Variants in TET3 observed in about 807,000 individuals in gnomAD.
TET3 encodes the protein tet methylcytosine dioxygenase 3.
Under a neutral mutation model 141.4 loss-of-function variants are expected in TET3, and 19 were observed. The ratio of observed to expected loss-of-function variants is 0.13; its 90% CI spans 0.09 to 0.20. The LOEUF is 0.20. Among genes scored for constraint, TET3 ranks in the 10% least tolerant of loss-of-function variants. The pLI is 1.00. For synonymous variants in TET3, 1,043 were observed against 980.9 expected (o/e 1.06, Z -1.18); for missense variants, 1,874 against 2,356.9 (o/e 0.80, Z 4.24).
intron 10 of TET3, among the ~76,000 whole-genome samples, chr2:74,096,768 CAAAAA>C (rs11363244): frequency 7.1e-6 from 1 of 141,082 alleles, no homozygotes; most frequent in Admixed American, 7.0e-5. Context: ...AACTCTGTCT[CAAAAA>C]AAAAAAAGAA....
At chr2:74,065,569 T>TTTA (rs1688837035) in intron 4 of TET3, among the ~76,000 whole-genome samples, 1 of 144,524 alleles carries the variant, frequency 6.9e-6, no homozygotes, top group Non-Finnish European at 1.5e-5. Flanking sequence ...TTTTTTTTTT[T>TTTA]GGCTTGGTCA....
rs1221294004 is a variant in TET3 at position 74,046,049 on chromosome 2, G to A, written c.361-229G>A. 6.6e-6 allele frequency among the ~76,000 whole-genome samples: 1 copy of A among 152,192 alleles called. No homozygotes were observed. Among genetic ancestry groups the A allele is most frequent in the Non-Finnish European group, 1.5e-5 (1 of 68,036 alleles). On this transcript the variant is annotated intron_variant, in intron 3 of 11. Transcript: ENST00000409262. This position sits in a 1 kb window ranked among gnomAD's most constrained non-coding sequence, Gnocchi z 4.3. ...AGCAACATTAAGAATGTCTCATTAG[G>A]ATCTTCTCTTTAAAAATATCTTAAA...
At chr2:74,110,534 C>T (rs775428347), downstream of TET3, among the ~76,000 whole-genome samples, 8 of 152,070 alleles carry the variant, frequency 5.3e-5, no homozygotes, top group African/African-American at 9.7e-5. Flanking sequence ...AAAACATGTT[C>T]GACACACATA....
At chr2:74,041,010 G>A (rs1687308675) in intron 3 of TET3, among the ~76,000 whole-genome samples, 1 of 152,132 alleles carries the variant, frequency 6.6e-6, no homozygotes, top group Non-Finnish European at 1.5e-5. Context: ...GGCTTCAAAA[G>A]GGCTAAACTG....
At chr2:74,091,983 A>G (rs1357129216) in intron 8 of TET3, among the ~76,000 whole-genome samples, 1 of 152,252 alleles carries the variant, frequency 6.6e-6, no homozygotes, top group Non-Finnish European at 1.5e-5. Context: ...GACTAGTGCA[A>G]CCAAGGGACT....
intron 3 of TET3, among the ~76,000 whole-genome samples, chr2:74,044,738 A>G (rs1385695001): frequency 6.6e-6 from 1 of 152,230 alleles, no homozygotes; most frequent in South Asian, 2.1e-4. Context: ...CAAAGTCAGA[A>G]TCTTAAGTGG....
intron 3 of TET3, among the ~76,000 whole-genome samples, chr2:74,016,746 A>G (rs1437759742): frequency 6.6e-6 from 1 of 151,562 alleles, no homozygotes; most frequent in Non-Finnish European, 1.5e-5. Flanking sequence ...AAACAAAAAA[A>G]TAAAACCCAC....
chr2:74,117,181 A>G, the TET3 span, among the ~76,000 whole-genome samples: 1 of 152,114 alleles, frequency 6.6e-6, no homozygotes, highest in Non-Finnish European at 1.5e-5. Flanking sequence ...GGTTCAAGCA[A>G]TTCTACTGCC....
chr2:73,986,300 T>G lies in TET3; in HGVS notation c.-104T>G. 1 of 1,081,228 alleles carries G rather than the reference T, an allele frequency of 9.2e-7. No individual in the cohort carries two copies. The highest frequency in any genetic ancestry group is 1.2e-6 in the Non-Finnish European group (1 of 851,340). The allele number at this position is 1,081,228 out of a possible 1,614,324, so 67.0% of individuals were successfully genotyped here. On this transcript the variant is annotated 5_prime_UTR_variant, in exon 2 of 12. Transcript: ENST00000409262. ...GCCACTTGCCTTCACCCTTGTAGAC[T>G]CTTGACTGTTCTAGGCGAGAAGGAC...
At chr2:74,083,894 G>A (rs1049982784) in intron 6 of TET3, among the ~76,000 whole-genome samples, 8 of 152,192 alleles carry the variant, frequency 5.3e-5, no homozygotes, top group Admixed American at 5.2e-4. Context: ...CTGGCCAGGA[G>A]CAGAAGTTGA....
chr2:74,079,495 TAAG>T (rs375679668), intron 5 of TET3, among the ~76,000 whole-genome samples: 16 of 152,260 alleles, frequency 1.1e-4, no homozygotes, highest in Non-Finnish European at 2.1e-4. Context: ...CTGTTAAAAA[TAAG>T]AAGATTCTGT....
intron 4 of TET3, among the ~76,000 whole-genome samples, chr2:74,062,949 T>G (rs565636028): frequency 6.7e-6 from 1 of 148,590 alleles, no homozygotes; most frequent in African/African-American, 2.5e-5. Context: ...AGTGGCGCGA[T>G]CTCGTCTCAT....
At chr2:74,100,284 G>A in intron 11 of TET3, 109 bp from the exon 12 acceptor site, 1 of 1,229,462 alleles carries the variant, frequency 8.1e-7, no homozygotes. Context: ...TCCCAAAAGA[G>A]GAAACATCCC....
chr2:74,080,677 C>T (rs1184354562), intron 6 of TET3, 86 bp downstream of exon 6: 1 of 1,140,096 alleles, frequency 8.8e-7, no homozygotes, highest in Non-Finnish European at 1.2e-6. Flanking sequence ...CCCCTTGCTG[C>T]ATGTAGCTGA....
Position 73,999,941 on chromosome 2 carries a change from GCTC to G in TET3, c.304-3162_304-3160del, listed in dbSNP as rs370189460. 7.8e-4 allele frequency among the ~76,000 whole-genome samples: 119 copies of G among 152,258 alleles called. 1 individual carries two copies. The highest frequency in any genetic ancestry group is 3.4e-3 in the Middle Eastern group (1 of 294). On this transcript the variant is annotated intron_variant, in intron 2 of 11. Transcript: ENST00000409262. The stretch of plus-strand genomic sequence containing the variant: ...AGATGGACTGCCTGGGGGACTATGG[GCTC>G]CTCCTCTGGGCTACTTCTCTGGTGT...
rs761117114 is a variant in TET3, at chr2:74,047,184, G to C, written c.1267G>C (p.Ala423Pro). The change falls in exon 4 of 12, where the codon GCC (alanine) becomes CCC (proline). Residue 423 changes from alanine to proline, a missense_variant. Physicochemically the swap from Ala to Pro is conservative, Grantham distance 27. Coordinates refer to ENST00000409262, the MANE Select transcript of TET3 (RefSeq NM_001287491.2). Reference protein sequence around the residue: ...EHSSFAPDSSAFPPATPRTEF... With the variant: ...EHSSFAPDSSPFPPATPRTEF... ...CTCATCTTTTGCTCCTGATAGCTCTGCCTTCCCTCCAGCAACTCCTAGAAC... is the reference window on the plus strand; with the variant it reads ...CTCATCTTTTGCTCCTGATAGCTCTCCCTTCCCTCCAGCAACTCCTAGAAC... 34 of 1,613,828 alleles carry C rather than the reference G, an allele frequency of 2.1e-5. No individual in the cohort carries two copies. Among genetic ancestry groups the C allele is most frequent in the Admixed American group, 5.0e-5 (3 of 60,004 alleles).
At chr2:74,062,584 C>T (rs1007780399) in intron 4 of TET3, among the ~76,000 whole-genome samples, 5 of 152,066 alleles carry the variant, frequency 3.3e-5, no homozygotes, top group African/African-American at 1.2e-4. Flanking sequence ...TTAGAAGTAC[C>T]GTTAGCATTT....
downstream of TET3, among the ~76,000 whole-genome samples, chr2:74,112,510 A>G (rs1691727804): frequency 1.3e-5 from 2 of 152,172 alleles, no homozygotes; most frequent in African/African-American, 4.8e-5. Context: ...AATAAACAGG[A>G]AACCAAGTTA....
At position 74,016,072 on chromosome 2, in the gene TET3, T is replaced by TA. The variant is rs963919934; in HGVS notation, c.360+12915dup. 9.9e-5 allele frequency among the ~76,000 whole-genome samples: 15 copies of TA among 151,632 alleles called. No individual in the cohort carries two copies. In the East Asian group the frequency reaches 2.1e-3, roughly 21 times the overall value. On this transcript the variant is annotated intron_variant, in intron 3 of 11. Coordinates refer to ENST00000409262, the MANE Select transcript of TET3 (RefSeq NM_001287491.2). The stretch of plus-strand genomic sequence containing the variant: ...GATATATTATCAATATTAATTTCTT[T>TA]AAAAAAAAATTCAGGCTGGGCGTGG...
Sources: allele counts gnomAD v4.1 joint callset (sites outside exome capture counted in the v4.1 genomes callset), GRCh38; gene constraint gnomAD v4.1.1; non-coding constraint Gnocchi (gnomAD v3.1); transcripts MANE v1.5; gene names NCBI Gene and HGNC (gene_info 2026-07-23, HGNC 2026-07-21).